Variants in ADAMTS20 observed in about 807,000 individuals in gnomAD.
ADAMTS20 encodes A disintegrin and metalloproteinase with thrombospondin motifs 20.
Under a neutral mutation model 260.1 loss-of-function variants are expected in ADAMTS20, and 225 were observed. The observed-to-expected ratio is 0.87, with a 90% CI of 0.78 to 0.97. The LOEUF (loss-of-function observed/expected upper bound fraction) is 0.97. Ranked by LOEUF, ADAMTS20 falls within the 50% of genes least tolerant of loss-of-function variation. The probability of loss-of-function intolerance (pLI) is 0.00; values close to 1 mark genes in which losing one functional copy is unlikely to be tolerated. For missense variants in ADAMTS20, 2,400 were observed against 2,337.7 expected (o/e 1.03, Z -0.55); for synonymous variants, 802 against 769.5 (o/e 1.04, Z -0.70).
chr12:43,527,619 C>T (rs569211083), intron 3 of ADAMTS20, among the ~76,000 whole-genome samples: 1 of 152,086 alleles, frequency 6.6e-6, no homozygotes, highest in African/African-American at 2.4e-5. Context: ...AGAAAAAGCA[C>T]TTGAAAAAAA....
rs758490219 is a variant in ADAMTS20, at chr12:43,356,465, T to C, written c.5643+19A>G. 3.3e-6 allele frequency: 5 copies of C among 1,535,682 alleles called. No homozygotes were observed. The African/African-American group carries it at 6.8e-5, about 21-fold the overall frequency. On this transcript the variant is annotated intron_variant, in intron 38 of 38. Coordinates refer to ENST00000389420, the MANE Select transcript of ADAMTS20 (RefSeq NM_025003.5). ...CTCAGAAGTATTTCAAACAGGCTTT[T>C]TGGTCCCGCAGGACTTACCTCTGAT...
At chr12:43,451,844 G>A (rs1941869154) in intron 14 of ADAMTS20, among the ~76,000 whole-genome samples, 1 of 152,054 alleles carries the variant, frequency 6.6e-6, no homozygotes, top group Non-Finnish European at 1.5e-5. Context: ...TTTGTTGAAT[G>A]TACATAAAAA....
intron 37 of ADAMTS20, 22 bp downstream of exon 37, chr12:43,369,268 T>G (rs1940053986): frequency 2.1e-6 from 3 of 1,417,958 alleles, no homozygotes; most frequent in African/African-American, 1.5e-5. Flanking sequence ...GAAAGAAAAT[T>G]AATCAAACAA....
Position 43,383,680 on chromosome 12 carries a change from T to C in ADAMTS20, c.4675A>G (p.Thr1559Ala), listed in dbSNP as rs1194523059. ...RKDSHQRMECTDNQIRQVNEI... is the reference protein window; with the variant it reads ...RKDSHQRMECADNQIRQVNEI... ...TTCACTTGTCTGATTTGGTTATCTG[T>C]GCACTCCATTCGTTGATGTGAATCT... Residue 1559 changes from threonine (T) to alanine (A), a missense_variant, in exon 31 of 39, where the codon ACA becomes GCA. Thr to Ala is a moderately conservative substitution (Grantham distance 58). Transcript: ENST00000389420. 1 of 1,613,986 alleles carries C rather than the reference T, an allele frequency of 6.2e-7. No individual in the cohort carries two copies. Among genetic ancestry groups the C allele is most frequent in the South Asian group, 1.1e-5 (1 of 91,084 alleles).
intron 3 of ADAMTS20, among the ~76,000 whole-genome samples, chr12:43,517,232 A>G (rs1353079704): frequency 6.6e-6 from 1 of 152,098 alleles, no homozygotes; most frequent in African/African-American, 2.4e-5. Flanking sequence ...CAAGAAAAAT[A>G]AATAAAATAT....
In ADAMTS20 at chr12:43,356,572, T is replaced by C. The variant is rs144599351; in HGVS notation, c.5555A>G (p.Asn1852Ser). ...TATCTTCATCCCAGTTCCTGACAAA[T>C]TAATGCTAAACTGTCCCTGGATTGT... The part of the protein sequence containing the change: ...FRCPQGQFSI[N>S]LSGTGMKISS... Residue 1852 changes from asparagine (N) to serine (S), a missense_variant, in exon 38 of 39, where the codon AAT (asparagine) becomes AGT (serine). By Grantham distance (46) the Asn-to-Ser change is conservative. Transcript: ENST00000389420. The C allele has an allele frequency of 3.4e-4, 555 of 1,611,128 alleles. 1 individual carries two copies. The African/African-American group carries it at 6.7e-3, about 19-fold the overall frequency.
chr12:43,431,986 TC>T (rs146675762), intron 21 of ADAMTS20, among the ~76,000 whole-genome samples: 103 of 151,932 alleles, frequency 6.8e-4, no homozygotes, highest in African/African-American at 2.4e-3. Context: ...CAAGCAATCC[TC>T]CCACCTCAGC....
At chr12:43,413,417 T>C (rs1230464014) in intron 28 of ADAMTS20, among the ~76,000 whole-genome samples, 3 of 152,188 alleles carry the variant, frequency 2.0e-5, no homozygotes, top group East Asian at 1.9e-4. Context: ...AGGAAAGAAA[T>C]AGAAATGGTT....
At chr12:43,364,413 A>G (rs1939938676) in intron 37 of ADAMTS20, among the ~76,000 whole-genome samples, 1 of 152,314 alleles carries the variant, frequency 6.6e-6, no homozygotes, top group Non-Finnish European at 1.5e-5. Context: ...AAAAACTTCA[A>G]AGCAGCTAAT....
At position 43,420,800 on chromosome 12, in the gene ADAMTS20, C is replaced by CTTTTTTTTTTTTTTTTTTT. The variant is rs747496684; in HGVS notation, c.4284+4695_4284+4713dup. ...TCTTCTTCTTCTCCTCCTCCTCCTT[C>CTTTTTTTTTTTTTTTTTTT]TTTTTTTTTTTTTTTTTTTTTTTTT... On this transcript the variant is annotated intron_variant, in intron 28 of 38. Coordinates refer to ENST00000389420, the MANE Select transcript of ADAMTS20 (RefSeq NM_025003.5). Among the ~76,000 whole-genome samples, 295 of 55,500 alleles carry CTTTTTTTTTTTTTTTTTTT rather than the reference C, an allele frequency of 5.3e-3. 46 individuals are homozygous for CTTTTTTTTTTTTTTTTTTT. Among genetic ancestry groups the CTTTTTTTTTTTTTTTTTTT allele is most frequent in the East Asian group, 0.04 (29 of 734 alleles). 36.4% of individuals were successfully genotyped at this position (55,500 alleles called of 152,430 possible).
intron 7 of ADAMTS20, among the ~76,000 whole-genome samples, chr12:43,489,544 T>C (rs1045367207): frequency 6.6e-6 from 1 of 152,066 alleles, no homozygotes; most frequent in African/African-American, 2.4e-5. Flanking sequence ...CTAATGGTAA[T>C]AAAATATATT....
intron 11 of ADAMTS20, among the ~76,000 whole-genome samples, chr12:43,456,904 C>G (rs930943103): frequency 1.3e-5 from 2 of 152,018 alleles, no homozygotes; most frequent in African/African-American, 4.8e-5. Context: ...ATATGAATTA[C>G]TGATTAGGAA....
chr12:43,452,214 GA>G lies in ADAMTS20; in HGVS notation c.2079+59del, dbSNP rs568752351. The G allele has an allele frequency of 2.6e-4, 389 of 1,496,136 alleles. 1 individual carries two copies. In the East Asian group the frequency reaches 6.1e-3, roughly 23 times the overall value. 92.7% of individuals were successfully genotyped at this position (1,496,136 alleles called of 1,614,324 possible). On this transcript the variant is annotated intron_variant, in intron 14 of 38. Coordinates refer to ENST00000389420, the MANE Select transcript of ADAMTS20 (RefSeq NM_025003.5). ...AAAGTAATATTTGGTTATATAAATC[GA>G]AAAAAAACATTATTCTTAAAGTCAC...
chr12:43,412,481 C>A (rs1941050063), intron 28 of ADAMTS20, among the ~76,000 whole-genome samples: 1 of 152,156 alleles, frequency 6.6e-6, no homozygotes, highest in Admixed American at 6.5e-5. Flanking sequence ...TAATAGATCT[C>A]TTTTTCAAGA....
At chr12:43,520,926 G>A (rs1309748606) in intron 3 of ADAMTS20, among the ~76,000 whole-genome samples, 2 of 152,090 alleles carry the variant, frequency 1.3e-5, no homozygotes, top group East Asian at 1.9e-4. Flanking sequence ...TTTAAAAAAA[G>A]AATCTAGATT....
At chr12:43,435,447 T>C (rs1941532802) in intron 18 of ADAMTS20, among the ~76,000 whole-genome samples, 2 of 151,958 alleles carry the variant, frequency 1.3e-5, no homozygotes, top group African/African-American at 2.4e-5. Flanking sequence ...AAGACCATCC[T>C]GGCTAACAAG....
intron 35 of ADAMTS20, 25 bp from the exon 36 acceptor site, chr12:43,375,537 G>A (rs767021771): frequency 2.5e-6 from 4 of 1,610,928 alleles, no homozygotes; most frequent in African/African-American, 2.7e-5. Context: ...GGATATTTTA[G>A]TATTAGATGC....
intron 35 of ADAMTS20, 126 bp downstream of exon 35, chr12:43,375,931 T>C (rs994669699): frequency 1.4e-6 from 1 of 710,924 alleles, no homozygotes. Context: ...GGTCCTAACA[T>C]GTCTACCTGC....
intron 24 of ADAMTS20, among the ~76,000 whole-genome samples, chr12:43,429,219 C>G (rs1941393450): frequency 1.3e-5 from 2 of 151,916 alleles, no homozygotes; most frequent in African/African-American, 4.8e-5. Context: ...CTTAAAAATA[C>G]ATATTCTACA....
Sources: gnomAD v4.1 joint callset for allele counts (sites outside exome capture counted in the v4.1 genomes callset) on GRCh38, gnomAD v4.1.1 for gene constraint, MANE v1.5 for transcripts, NCBI Gene and HGNC (gene_info 2026-07-23, HGNC 2026-07-21) for gene names.